ENTREP2: variants seen among roughly 807,000 people sequenced by gnomAD.
The protein encoded by ENTREP2 is endosomal transmembrane epsin interactor 2.
At chr15:29,410,790 TTTTG>T in the ENTREP2 span, among the ~76,000 whole-genome samples, 4 of 152,148 alleles carry the variant, frequency 2.6e-5, no homozygotes, top group East Asian at 1.9e-4. Flanking sequence ...ACAGAACTTA[TTTTG>T]TTTGTTTTTG....
At chr15:29,487,025 G>A in the ENTREP2 span, among the ~76,000 whole-genome samples, 2 of 152,094 alleles carry the variant, frequency 1.3e-5, no homozygotes, top group Non-Finnish European at 2.9e-5. Flanking sequence ...TTCTCAAAAA[G>A]CTAGAATAGA....
At chr15:29,349,571 T>C in the ENTREP2 span, among the ~76,000 whole-genome samples, 1 of 152,114 alleles carries the variant, frequency 6.6e-6, no homozygotes, top group Non-Finnish European at 1.5e-5. Context: ...TTTCCTACAG[T>C]ATGGAAAACT....
chr15:29,597,365 T>TC, the ENTREP2 span, among the ~76,000 whole-genome samples: 1 of 151,934 alleles, frequency 6.6e-6, no homozygotes. Flanking sequence ...GGTCAGGAGT[T>TC]CGAGACCAGC....
chr15:29,634,438 A>AG, the ENTREP2 span, among the ~76,000 whole-genome samples: 5 of 152,180 alleles, frequency 3.3e-5, no homozygotes, highest in Admixed American at 1.3e-4. Flanking sequence ...CTGTAAAAGT[A>AG]GAAAAAAACT....
chr15:29,522,834 G>A, the ENTREP2 span, among the ~76,000 whole-genome samples: 7 of 152,052 alleles, frequency 4.6e-5, no homozygotes, highest in African/African-American at 1.7e-4. Context: ...TTTAGCCTCG[G>A]GGCATTTGCT....
the ENTREP2 span, among the ~76,000 whole-genome samples, chr15:29,657,483 CGGGGGG>C: frequency 1.9e-4 from 13 of 69,382 alleles, 2 homozygotes; most frequent in East Asian, 1.1e-3. Flanking sequence ...GCTGGGGGGG[CGGGGGG>C]GGGGGGTGGC....
chr15:29,234,816 C>G, the ENTREP2 span: 2 of 1,450,786 alleles, frequency 1.4e-6, no homozygotes, highest in Non-Finnish European at 1.9e-6. Context: ...ATCTGTTTAT[C>G]ATTTGTGCAA....
At chr15:29,539,610 A>G in the ENTREP2 span, among the ~76,000 whole-genome samples, 1 of 152,122 alleles carries the variant, frequency 6.6e-6, no homozygotes, top group African/African-American at 2.4e-5. Context: ...TATTTCCTGG[A>G]GGGTCTACCA....
the ENTREP2 span, among the ~76,000 whole-genome samples, chr15:29,301,250 AT>A: frequency 6.6e-6 from 1 of 152,226 alleles, no homozygotes; most frequent in Non-Finnish European, 1.5e-5. Flanking sequence ...GGGTAATTTT[AT>A]TTAACAGAAT....
the ENTREP2 span, among the ~76,000 whole-genome samples, chr15:29,325,468 A>G: frequency 6.6e-6 from 1 of 152,160 alleles, no homozygotes; most frequent in African/African-American, 2.4e-5. Context: ...AATGATAACA[A>G]AGGAACTCTA....
At chr15:29,483,969 A>G in the ENTREP2 span, among the ~76,000 whole-genome samples, 1 of 152,174 alleles carries the variant, frequency 6.6e-6, no homozygotes, top group African/African-American at 2.4e-5. Flanking sequence ...CTATGATGAC[A>G]CCTCACTGCT....
chr15:29,483,846 T>A, the ENTREP2 span, among the ~76,000 whole-genome samples: 3 of 152,266 alleles, frequency 2.0e-5, no homozygotes, highest in Admixed American at 1.3e-4. Flanking sequence ...TTACATTTTT[T>A]AAATAACTAC....
the ENTREP2 span, among the ~76,000 whole-genome samples, chr15:29,658,658 AC>A: frequency 2.0e-4 from 30 of 151,658 alleles, no homozygotes; most frequent in Middle Eastern, 3.4e-3. Context: ...ATAAAAAAAA[AC>A]AATCTACTCA....
At chr15:29,577,079 T>A in the ENTREP2 span, among the ~76,000 whole-genome samples, 1 of 151,660 alleles carries the variant, frequency 6.6e-6, no homozygotes, top group East Asian at 1.9e-4. Context: ...AGTGCTGGGA[T>A]TACAGGTGTG....
the ENTREP2 span, among the ~76,000 whole-genome samples, chr15:29,171,050 C>T: frequency 6.6e-6 from 1 of 152,110 alleles, no homozygotes; most frequent in African/African-American, 2.4e-5. Flanking sequence ...AGCCAGATTT[C>T]CTTTATAACA....
At chr15:29,362,956 T>C in the ENTREP2 span, among the ~76,000 whole-genome samples, 1 of 152,238 alleles carries the variant, frequency 6.6e-6, no homozygotes, top group South Asian at 2.1e-4. Flanking sequence ...TGATATTTAA[T>C]ACTGTTAGTA....
At chr15:29,431,182 G>A in the ENTREP2 span, among the ~76,000 whole-genome samples, 25 of 152,246 alleles carry the variant, frequency 1.6e-4, no homozygotes, top group African/African-American at 2.2e-4. Context: ...GCCGGGTTAC[G>A]TAACCCCGGG....
chr15:29,128,778 G>A, the ENTREP2 span: 1 of 1,549,460 alleles, frequency 6.5e-7, no homozygotes, highest in Non-Finnish European at 8.7e-7. Flanking sequence ...AGCTGAAAGA[G>A]GTAAGCTTAC....
At chr15:29,298,395 GA>G in the ENTREP2 span, among the ~76,000 whole-genome samples, 15 of 151,962 alleles carry the variant, frequency 9.9e-5, no homozygotes, top group Non-Finnish European at 1.9e-4. Flanking sequence ...AGAAAGCAAT[GA>G]AATAAAATTT....
Sources: gnomAD v4.1 joint callset for allele counts (sites outside exome capture counted in the v4.1 genomes callset) on GRCh38, gnomAD v4.1.1 for gene constraint, MANE v1.5 for transcripts, NCBI Gene and HGNC (gene_info 2026-07-23, HGNC 2026-07-21) for gene names.